Variants in ABTB3 observed in about 807,000 individuals in gnomAD.
ABTB3 encodes the protein ankyrin repeat and BTB domain containing 3, also known as ankyrin repeat- and BTB/POZ domain-containing protein 3.
chr12:107,497,192 C>G, the ABTB3 span, among the ~76,000 whole-genome samples: 3 of 150,602 alleles, frequency 2.0e-5, no homozygotes, highest in African/African-American at 7.3e-5. Context: ...AATACCACCA[C>G]CATCACTATC....
the ABTB3 span, among the ~76,000 whole-genome samples, chr12:107,387,540 A>G: frequency 1.3e-5 from 2 of 152,236 alleles, no homozygotes; most frequent in Non-Finnish European, 2.9e-5. Flanking sequence ...TGTTAAACAA[A>G]TCACCAGATG....
At chr12:107,606,434 C>T in the ABTB3 span, among the ~76,000 whole-genome samples, 1 of 152,156 alleles carries the variant, frequency 6.6e-6, no homozygotes, top group Admixed American at 6.5e-5. Context: ...GATGTTCTTG[C>T]AATTATTCAT....
At chr12:107,628,203 C>T in the ABTB3 span, among the ~76,000 whole-genome samples, 112 of 152,152 alleles carry the variant, frequency 7.4e-4, 2 homozygotes, top group African/African-American at 1.7e-3. Context: ...TACAGTGGGG[C>T]GATCTCCACT....
chr12:107,574,548 C>G, the ABTB3 span, among the ~76,000 whole-genome samples: 3 of 152,146 alleles, frequency 2.0e-5, no homozygotes, highest in African/African-American at 7.2e-5. Context: ...CATAGTGAAA[C>G]CCTGTCTCTA....
the ABTB3 span, among the ~76,000 whole-genome samples, chr12:107,634,545 A>G: frequency 6.6e-6 from 1 of 152,196 alleles, no homozygotes; most frequent in Admixed American, 6.5e-5. Flanking sequence ...CCCTTTGTCC[A>G]ACAAAAAGAA....
the ABTB3 span, chr12:107,620,106 C>A: frequency 6.2e-7 from 1 of 1,614,168 alleles, no homozygotes; most frequent in Non-Finnish European, 8.5e-7. Flanking sequence ...GAGGAATACA[C>A]GGAGGAGCTC....
chr12:107,472,838 G>T, the ABTB3 span, among the ~76,000 whole-genome samples: 5 of 152,156 alleles, frequency 3.3e-5, no homozygotes, highest in Admixed American at 2.0e-4. Context: ...GTCCCATAAG[G>T]TTTAGCCAAC....
the ABTB3 span, among the ~76,000 whole-genome samples, chr12:107,532,340 T>A: frequency 2.0e-5 from 3 of 152,176 alleles, no homozygotes; most frequent in Non-Finnish European, 2.9e-5. Context: ...GACTGGCCCA[T>A]CCAGCATCCT....
chr12:107,470,259 A>T, the ABTB3 span, among the ~76,000 whole-genome samples: 1 of 151,898 alleles, frequency 6.6e-6, no homozygotes, highest in Non-Finnish European at 1.5e-5. Flanking sequence ...GGCTGGTCTT[A>T]AACTCCTGAC....
chr12:107,524,379 G>A, the ABTB3 span, among the ~76,000 whole-genome samples: 1 of 152,272 alleles, frequency 6.6e-6, no homozygotes, highest in Non-Finnish European at 1.5e-5. Context: ...ATAGAGAGCT[G>A]TTCTTCATAT....
the ABTB3 span, among the ~76,000 whole-genome samples, chr12:107,501,298 GA>G: frequency 1.3e-5 from 2 of 152,142 alleles, no homozygotes; most frequent in African/African-American, 4.8e-5. Flanking sequence ...TGTGGGAGAA[GA>G]GGTAGGGATC....
chr12:107,575,019 G>A, the ABTB3 span, among the ~76,000 whole-genome samples: 5 of 152,176 alleles, frequency 3.3e-5, no homozygotes, highest in Admixed American at 6.5e-5. Context: ...ATGTTACAAT[G>A]AGCATTGCTA....
chr12:107,531,872 C>T, the ABTB3 span, among the ~76,000 whole-genome samples: 2 of 152,156 alleles, frequency 1.3e-5, no homozygotes, highest in Non-Finnish European at 2.9e-5. Flanking sequence ...TCTCCCACAT[C>T]CACTCAGAAG....
chr12:107,392,200 G>A, the ABTB3 span, among the ~76,000 whole-genome samples: 43 of 152,320 alleles, frequency 2.8e-4, no homozygotes, highest in Non-Finnish European at 4.3e-4. Context: ...CTTCCTGGGT[G>A]TTGTGGCAGG....
chr12:107,616,394 C>A, the ABTB3 span, among the ~76,000 whole-genome samples: 1 of 152,202 alleles, frequency 6.6e-6, no homozygotes, highest in Admixed American at 6.5e-5. Flanking sequence ...CATTTTCCAT[C>A]AGCAGTGCTG....
the ABTB3 span, among the ~76,000 whole-genome samples, chr12:107,471,936 T>C: frequency 6.6e-6 from 1 of 152,180 alleles, no homozygotes; most frequent in South Asian, 2.1e-4. Flanking sequence ...ATAATCTCCT[T>C]ACTTTTCAGA....
At chr12:107,603,999 C>T in the ABTB3 span, among the ~76,000 whole-genome samples, 1 of 152,076 alleles carries the variant, frequency 6.6e-6, no homozygotes, top group Non-Finnish European at 1.5e-5. Context: ...GAAACCCCAT[C>T]TCTACTAAAA....
At chr12:107,656,353 AC>A in the ABTB3 span, among the ~76,000 whole-genome samples, 1 of 152,106 alleles carries the variant, frequency 6.6e-6, no homozygotes, top group Non-Finnish European at 1.5e-5. Context: ...ATAATCTAGG[AC>A]AAGGTTCAGC....
chr12:107,525,324 CAAAAAAAAAA>C, the ABTB3 span, among the ~76,000 whole-genome samples: 10 of 34,892 alleles, frequency 2.9e-4, no homozygotes, highest in Middle Eastern at 0.02. Context: ...AAGATCCTGT[CAAAAAAAAAA>C]AAAAAAAAAA....
Sources: allele counts gnomAD v4.1 joint callset (sites outside exome capture counted in the v4.1 genomes callset), GRCh38; gene constraint gnomAD v4.1.1; transcripts MANE v1.5; gene names NCBI Gene and HGNC (gene_info 2026-07-23, HGNC 2026-07-21).